EPB41L3: variants seen among roughly 807,000 people sequenced by gnomAD.
EPB41L3 encodes the protein erythrocyte membrane protein band 4.1 like 3.
A neutral mutation model predicts 127.1 loss-of-function variants in EPB41L3; 57 were observed. That is an observed-to-expected ratio of 0.45 (90% CI 0.36 to 0.56). The LOEUF (loss-of-function observed/expected upper bound fraction) is 0.56. EPB41L3 is among the 20% of genes least tolerant of loss of function. The pLI is 0.00. For synonymous variants in EPB41L3, 572 were observed against 549.5 expected (o/e 1.04, Z -0.57); for missense variants, 1,273 against 1,372.2 (o/e 0.93, Z 1.14).
intron 3 of EPB41L3, among the ~76,000 whole-genome samples, chr18:5,574,723 TCA>T (rs2094320374): frequency 1.3e-5 from 2 of 152,330 alleles, no homozygotes; most frequent in African/African-American, 4.8e-5. Flanking sequence ...TCACGTGTCA[TCA>T]CAGTTTGTTG....
intron 16 of EPB41L3, chr18:5,399,060 A>G (rs1201115686): frequency 1.8e-5 from 7 of 398,490 alleles, no homozygotes; most frequent in Non-Finnish European, 3.1e-5. Flanking sequence ...TTCTTTCTCC[A>G]TTTTCTGAAG....
chr18:5,526,352 T>G (rs981181925), intron 1 of EPB41L3, among the ~76,000 whole-genome samples: 1 of 152,188 alleles, frequency 6.6e-6, no homozygotes, highest in Non-Finnish European at 1.5e-5. Flanking sequence ...ACACCTTCAC[T>G]TATTAGAAAA....
intron 16 of EPB41L3, chr18:5,400,989 C>A (rs1259998738): frequency 3.3e-6 from 5 of 1,533,296 alleles, no homozygotes; most frequent in African/African-American, 1.4e-5. Context: ...AGGAATGGAG[C>A]GCTTCCTTGC....
At chr18:5,544,856 T>C (rs1474249880), upstream of EPB41L3, among the ~76,000 whole-genome samples, 1 of 152,204 alleles carries the variant, frequency 6.6e-6, no homozygotes, top group African/African-American at 2.4e-5. Flanking sequence ...CATGATGTGA[T>C]TATTACACAT....
At chr18:5,454,377 A>ATGTGAATC (rs1453156454) in intron 3 of EPB41L3, among the ~76,000 whole-genome samples, 6 of 152,186 alleles carry the variant, frequency 3.9e-5, no homozygotes, top group African/African-American at 1.4e-4. Flanking sequence ...CAGCTATCCT[A>ATGTGAATC]TGTGAATCTC....
chr18:5,549,612 T>C (rs1719966), intron 3 of EPB41L3, among the ~76,000 whole-genome samples: 35,811 of 152,096 alleles, frequency 0.24, 5,783 homozygotes, highest in African/African-American at 0.46. Flanking sequence ...TGCACACCAT[T>C]GATATCAGAA....
intron 1 of EPB41L3, among the ~76,000 whole-genome samples, chr18:5,513,466 T>A (rs935336788): frequency 6.6e-6 from 1 of 152,228 alleles, no homozygotes; most frequent in African/African-American, 2.4e-5. Context: ...TACACACTCA[T>A]GGAGCATCTC....
chr18:5,537,333 T>C (rs2093603799), intron 1 of EPB41L3, among the ~76,000 whole-genome samples: 1 of 152,166 alleles, frequency 6.6e-6, no homozygotes, highest in Non-Finnish European at 1.5e-5. Flanking sequence ...GTATATCTCA[T>C]TTTCTACCTT....
At chr18:5,467,393 AC>A (rs2085191496) in intron 3 of EPB41L3, 1 of 152,096 alleles carries the variant, frequency 6.6e-6, no homozygotes, top group Admixed American at 6.5e-5. Flanking sequence ...CACTGACTAA[AC>A]CTGTTTCTCT....
intron 9 of EPB41L3, among the ~76,000 whole-genome samples, chr18:5,426,545 T>C (rs1342603015): frequency 2.0e-5 from 3 of 152,196 alleles, no homozygotes; most frequent in South Asian, 2.1e-4. Context: ...AAATGTATCA[T>C]TCCAAAATAT....
At position 5,394,808 on chromosome 18, in the gene EPB41L3, TC is replaced by T; in HGVS notation, c.3154-16del. On this transcript the variant is annotated splice_polypyrimidine_tract_variant and intron_variant, in intron 21 of 22. Transcript: ENST00000341928. ...TGAGCCAGCGCCTATCCCCGGGAAA[TC>T]ACAGAAGGGCAGAAACAAAAAGGAG... 1 of 1,612,868 alleles carries T rather than the reference TC, an allele frequency of 6.2e-7. No homozygotes were observed.
chr18:5,423,475 C>T lies in EPB41L3; in HGVS notation c.1242G>A (p.Ala414=), dbSNP rs759279953. 28 of 1,613,738 alleles carry T rather than the reference C, an allele frequency of 1.7e-5. No individual in the cohort carries two copies. The highest frequency in any genetic ancestry group is 2.7e-5 in the African/African-American group (2 of 74,890). ...SKFRYSGRTQ[A]QTRRASALID... ...TCAACGCACTGGCTCTTCTCGTTTG[C>T]GCTTGTGTCCTGCCACTATAACGAA... is the stretch of plus-strand genomic sequence containing the variant. The change falls in exon 11 of 23, where the codon GCG becomes GCA. Residue 414 remains alanine, a synonymous_variant. Transcript: ENST00000341928.
At chr18:5,447,326 G>A (rs188611808) in intron 3 of EPB41L3, among the ~76,000 whole-genome samples, 34 of 152,070 alleles carry the variant, frequency 2.2e-4, no homozygotes, top group Admixed American at 1.0e-3. Flanking sequence ...ATTATTATGC[G>A]TGTTTTCTAT....
intron 8 of EPB41L3, 123 bp from the exon 9 acceptor site, chr18:5,428,588 G>T: frequency 9.0e-7 from 1 of 1,116,560 alleles, no homozygotes. Context: ...GCAAAATGAT[G>T]CAGCCATTTT....
rs762044182 is a variant in EPB41L3 at position 5,542,317 on chromosome 18, T to C, written c.-12+1596A>G. The stretch of plus-strand genomic sequence containing the variant: ...ATAAGCAGAATTTTATCATTTTTGT[T>C]TCCTTGAGACTTTAAAAATCAAGGT... On this transcript the variant is annotated intron_variant, in intron 1 of 22. Transcript: ENST00000341928. 9.2e-5 allele frequency among the ~76,000 whole-genome samples: 14 copies of C among 152,226 alleles called. 1 individual carries two copies. Among genetic ancestry groups the C allele is most frequent in the Middle Eastern group, 3.4e-3 (1 of 294 alleles).
chr18:5,544,953 T>C (rs1028950711), upstream of EPB41L3, among the ~76,000 whole-genome samples: 1 of 150,090 alleles, frequency 6.7e-6, no homozygotes, highest in Non-Finnish European at 1.5e-5. Context: ...AAATATTAAA[T>C]TTTTTTAATT....
Position 5,397,364 on chromosome 18 carries a change from C to A in EPB41L3, c.2535G>T (p.Pro845=), listed in dbSNP as rs374267593. 2 of 1,613,684 alleles carry A rather than the reference C, an allele frequency of 1.2e-6. No individual in the cohort carries two copies. Among genetic ancestry groups the A allele is most frequent in the South Asian group, 1.1e-5 (1 of 91,062 alleles). The part of the protein sequence containing the change: ...IETEPTVHHL[P]LSTEKVVQET... ...CCTGCACCACCTTCTCAGTGCTAAG[C>A]GGCAGGTGGTGCACGGTGGGTTCCG... Residue 845 remains proline, a synonymous_variant, in exon 18 of 23, where the codon CCG becomes CCT. Transcript: ENST00000341928. This position sits in a 1 kb window ranked among gnomAD's most constrained non-coding sequence, Gnocchi z 4.1.
chr18:5,417,623 A>G (rs1241125741), intron 12 of EPB41L3, among the ~76,000 whole-genome samples: 3 of 152,176 alleles, frequency 2.0e-5, no homozygotes, highest in Admixed American at 1.3e-4. Context: ...TGCAATCCTG[A>G]CTTGGGGAGA....
intron 3 of EPB41L3, among the ~76,000 whole-genome samples, chr18:5,566,539 A>G (rs1288107931): frequency 6.6e-6 from 1 of 152,158 alleles, no homozygotes; most frequent in East Asian, 1.9e-4. Context: ...ATACTGCCCA[A>G]GGTAATTTAT....
Sources: gnomAD v4.1 joint callset for allele counts (sites outside exome capture counted in the v4.1 genomes callset) on GRCh38, gnomAD v4.1.1 for gene constraint, Gnocchi (gnomAD v3.1) non-coding constraint, MANE v1.5 for transcripts, NCBI Gene and HGNC (gene_info 2026-07-23, HGNC 2026-07-21) for gene names.